Variants in KMT2A observed in about 807,000 individuals in gnomAD.
KMT2A encodes histone-lysine N-methyltransferase 2A.
Under a neutral mutation model 345.3 loss-of-function variants are expected in KMT2A, and 16 were observed. The ratio of observed to expected loss-of-function variants is 0.05; its 90% CI spans 0.03 to 0.07. The LOEUF (loss-of-function observed/expected upper bound fraction) is 0.07. Ranked by LOEUF, KMT2A falls within the 10% of genes least tolerant of loss-of-function variation. The pLI, the probability that KMT2A is intolerant of heterozygous loss-of-function variation, is 1.00. For synonymous variants in KMT2A, 1,599 were observed against 1,778.6 expected, an observed-to-expected ratio of 0.90 and a Z score of 2.54; for missense variants, 3,272 against 4,841.6, an observed-to-expected ratio of 0.68 and a Z score of 9.62.
chr11:118,437,149 C>A (rs1555138915), intron 1 of KMT2A, among the ~76,000 whole-genome samples: 2 of 151,208 alleles, frequency 1.3e-5, no homozygotes, highest in African/African-American at 4.9e-5. Flanking sequence ...GCCCATCTGG[C>A]TGAGGGCGTT....
In KMT2A at chr11:118,472,582, G is replaced by T; in HGVS notation, c.1423G>T (p.Asp475Tyr). 1 of 1,611,630 alleles carries T rather than the reference G, an allele frequency of 6.2e-7. No individual in the cohort carries two copies. The highest frequency in any genetic ancestry group is 8.5e-7 in the Non-Finnish European group (1 of 1,179,576). The part of the protein sequence containing the change: ...ASQHSSQMSS[D>Y]SSRSSSPSVD... The stretch of plus-strand genomic sequence containing the variant: ...TCAGCACTCCTCTCAAATGTCTTCA[G>T]ACTCCTCTCGATCTAGTAGCCCCAG... Residue 475 changes from aspartate (D) to tyrosine (Y), a missense_variant, in exon 3 of 36, where the codon GAC becomes TAC. Transcript: ENST00000534358.
intron 7 of KMT2A, 49 bp from the exon 8 acceptor site, chr11:118,482,373 A>G (rs961061793): frequency 6.0e-6 from 8 of 1,326,988 alleles, no homozygotes; most frequent in Non-Finnish European, 8.6e-6. Flanking sequence ...AGTCAGTACT[A>G]AAGTAGTCGT....
Position 118,497,887 on chromosome 11 carries a change from C to A in KMT2A, c.5665-49C>A, listed in dbSNP as rs1950435214. 1 of 1,486,960 alleles carries A rather than the reference C, an allele frequency of 6.7e-7. No individual in the cohort carries two copies. Among genetic ancestry groups the A allele is most frequent in the African/African-American group, 1.4e-5 (1 of 72,050 alleles). The allele number at this position is 1,486,960 out of a possible 1,614,324, so 92.1% of individuals were successfully genotyped here. A position where few individuals can be genotyped will look rare whatever the true frequency, so the allele number is the denominator to read the frequency against. ...GAAAAGCTAATGCCGAGGAAAACCTCCTTTGGCATTATATTCTTTAGGAAA... is the reference window on the plus strand; with the variant it reads ...GAAAAGCTAATGCCGAGGAAAACCTACTTTGGCATTATATTCTTTAGGAAA... On this transcript the variant is annotated intron_variant, in intron 20 of 35. Coordinates refer to ENST00000534358, the MANE Select transcript of KMT2A (RefSeq NM_001197104.2). The surrounding 1 kb of genome is among the most constrained non-coding windows in gnomAD (Gnocchi z 4.8).
In KMT2A at chr11:118,521,275, A is replaced by G. The variant is rs782707093; in HGVS notation, c.11514-13A>G. The G allele has an allele frequency of 2.5e-6, 4 of 1,612,262 alleles. No individual in the cohort carries two copies. The African/African-American group carries it at 4.0e-5, about 16-fold the overall frequency. ...AAAATTTGTGTCTGACCTCTTTTCC[A>G]TCTTTGTCCTAGGTCTCCCATCCAT... On this transcript the variant is annotated splice_polypyrimidine_tract_variant and intron_variant, in intron 34 of 35. Transcript: ENST00000534358. The surrounding 1 kb of genome is among the most constrained non-coding windows in gnomAD (Gnocchi z 5.3).
intron 1 of KMT2A, among the ~76,000 whole-genome samples, chr11:118,456,809 C>T (rs748227357): frequency 3.3e-5 from 5 of 152,224 alleles, no homozygotes; most frequent in East Asian, 1.9e-4. Context: ...CTTTAGACAA[C>T]GTGGATAAAC....
At position 118,505,339 on chromosome 11, in the gene KMT2A, C is replaced by A; in HGVS notation, c.9447C>A (p.Phe3149Leu). Residue 3149 changes from phenylalanine (F) to leucine (L), a missense_variant, in exon 27 of 36, where the codon TTC becomes TTA. Coordinates refer to ENST00000534358, the MANE Select transcript of KMT2A (RefSeq NM_001197104.2). The surrounding 1 kb of genome is among the most constrained non-coding windows in gnomAD (Gnocchi z 4.6). ...NPSLPTSQSL[F>L]PSASKGLLPM... ...GCTTGCCAACTTCTCAATCTTTGTT[C>A]CCTTCTGCTAGCAAAGGATTGCTAC... The A allele has an allele frequency of 6.2e-7, 1 of 1,614,180 alleles. No individual in the cohort carries two copies.
In KMT2A at chr11:118,482,545, T is replaced by G. The variant is rs1049475185; in HGVS notation, c.4086+50T>G. Reference sequence around the variant, plus strand: ...CATTTCTCAGGGATGTATTCTATTTTGTAGGGAAAAGCCTTATCCTTGACT... The same window carrying G: ...CATTTCTCAGGGATGTATTCTATTTGGTAGGGAAAAGCCTTATCCTTGACT... On this transcript the variant is annotated intron_variant, in intron 8 of 35. Coordinates refer to ENST00000534358, the MANE Select transcript of KMT2A (RefSeq NM_001197104.2). 2.1e-5 allele frequency: 29 copies of G among 1,354,718 alleles called. 1 individual carries two copies. Among genetic ancestry groups the G allele is most frequent in the Non-Finnish European group, 2.9e-5 (28 of 951,606 alleles). 83.9% of individuals were successfully genotyped at this position (1,354,718 alleles called of 1,614,324 possible). A position where few individuals can be genotyped will look rare whatever the true frequency, so the allele number is the denominator to read the frequency against.
In KMT2A at chr11:118,522,423, A is replaced by G. The variant is rs1256348542; in HGVS notation, c.*251A>G. 1.3e-5 allele frequency: 6 copies of G among 467,304 alleles called. No individual in the cohort carries two copies. The highest frequency in any genetic ancestry group is 1.2e-4 in the African/African-American group (6 of 52,010). The allele number at this position is 467,304 out of a possible 1,614,324, so 28.9% of individuals were successfully genotyped here. A position where few individuals can be genotyped will look rare whatever the true frequency, so the allele number is the denominator to read the frequency against. ...GGGGCCCCTCCAATTGTTTACTGTTAGAAAGTGGGAATGGGGTCCCTAGCA... is the reference window on the plus strand; with the variant it reads ...GGGGCCCCTCCAATTGTTTACTGTTGGAAAGTGGGAATGGGGTCCCTAGCA... On this transcript the variant is annotated 3_prime_UTR_variant, in exon 36 of 36. Transcript: ENST00000534358. The surrounding 1 kb of genome is among the most constrained non-coding windows in gnomAD (Gnocchi z 5.4).
intron 2 of KMT2A, among the ~76,000 whole-genome samples, chr11:118,470,326 A>C (rs1555035171): frequency 6.6e-6 from 1 of 151,900 alleles, no homozygotes; most frequent in Non-Finnish European, 1.5e-5. Context: ...TGTTTTTGAG[A>C]CGGAGTCTCA....
At chr11:118,475,711 A>C (rs1248813107) in intron 3 of KMT2A, among the ~76,000 whole-genome samples, 4 of 152,152 alleles carry the variant, frequency 2.6e-5, no homozygotes, top group Non-Finnish European at 4.4e-5. Context: ...TGACAGGGCG[A>C]GACTCCGTCT....
At position 118,494,347 on chromosome 11, in the gene KMT2A, A is replaced by G. The variant is rs782022978; in HGVS notation, c.5238A>G (p.Gly1746=). ...AAGCAGCCATTAATTCAGATGGAGG[A>G]CAGCCAGAAATTAAAAAAGCCAACA... ...IIQAAINSDG[G]QPEIKKANSM... Residue 1746 remains glycine, a synonymous_variant, in exon 17 of 36, where the codon GGA becomes GGG. Coordinates refer to ENST00000534358, the MANE Select transcript of KMT2A (RefSeq NM_001197104.2). The surrounding 1 kb of genome is among the most constrained non-coding windows in gnomAD (Gnocchi z 5.8). The G allele has an allele frequency of 6.2e-7, 1 of 1,611,384 alleles. No homozygotes were observed. The highest frequency in any genetic ancestry group is 1.3e-5 in the African/African-American group (1 of 74,972).
In KMT2A at chr11:118,472,074, G is replaced by A. The variant is rs782126576; in HGVS notation, c.915G>A (p.Arg305=). 11 of 1,613,716 alleles carry A rather than the reference G, an allele frequency of 6.8e-6. No individual in the cohort carries two copies. Among genetic ancestry groups the A allele is most frequent in the Non-Finnish European group, 7.6e-6 (9 of 1,179,960 alleles). Residue 305 remains arginine (R), a synonymous_variant, in exon 3 of 36, where the codon AGG becomes AGA. Coordinates refer to ENST00000534358, the MANE Select transcript of KMT2A (RefSeq NM_001197104.2). The stretch of plus-strand genomic sequence containing the variant: ...TACAAATTGTACGACGGAGAGGAAG[G>A]CCTCCATCAACAGAAAGGATAAAGA... The part of the protein sequence containing the change: ...KGVQIVRRRG[R]PPSTERIKTP...
chr11:118,518,254 C>T (rs1555052201), intron 31 of KMT2A, among the ~76,000 whole-genome samples: 1 of 152,138 alleles, frequency 6.6e-6, no homozygotes, highest in African/African-American at 2.4e-5. Flanking sequence ...TGTAATTGTG[C>T]CCTGTCCCTT....
chr11:118,495,931 C>G lies in KMT2A; in HGVS notation c.5557+38C>G, dbSNP rs1555043863. 10 of 1,503,036 alleles carry G rather than the reference C, an allele frequency of 6.7e-6. No individual in the cohort carries two copies. Among genetic ancestry groups the G allele is most frequent in the Non-Finnish European group, 8.2e-6 (9 of 1,100,526 alleles). The allele number at this position is 1,503,036 out of a possible 1,614,324, so 93.1% of individuals were successfully genotyped here. On this transcript the variant is annotated intron_variant, in intron 19 of 35. Transcript: ENST00000534358. The surrounding 1 kb of genome is among the most constrained non-coding windows in gnomAD (Gnocchi z 4.1). Reference sequence around the variant, plus strand: ...AAGGAGAGTCGTCACCCATTTCCCTCTAGATGCAGATGATTGACTTCGTGA... The same window carrying G: ...AAGGAGAGTCGTCACCCATTTCCCTGTAGATGCAGATGATTGACTTCGTGA...
chr11:118,460,665 T>C (rs1949728828), intron 1 of KMT2A, among the ~76,000 whole-genome samples: 1 of 152,010 alleles, frequency 6.6e-6, no homozygotes, highest in Non-Finnish European at 1.5e-5. Flanking sequence ...TTCAGTAACA[T>C]TGTTTTTTTA....
At chr11:118,513,937 C>CAAA (rs1178939991) in intron 31 of KMT2A, among the ~76,000 whole-genome samples, 19 of 47,296 alleles carry the variant, frequency 4.0e-4, no homozygotes, top group Admixed American at 6.8e-4. Flanking sequence ...GACCCTGTCT[C>CAAA]AAAAAAAAAA....
In KMT2A at chr11:118,487,199, A is replaced by AC. The variant is rs376123888; in HGVS notation, c.4333-1412dup. Among the ~76,000 whole-genome samples the AC allele has an allele frequency of 3.0e-3, 454 of 152,254 alleles. 4 individuals are homozygous for AC. The highest frequency in any genetic ancestry group is 5.3e-3 in the Non-Finnish European group (363 of 68,008). ...TTTCCGTCTTAATACAGTGCTTTGC[A>AC]CCCATATATATGCCACCCACAGGAA... On this transcript the variant is annotated intron_variant, in intron 10 of 35. Coordinates refer to ENST00000534358, the MANE Select transcript of KMT2A (RefSeq NM_001197104.2).
intron 7 of KMT2A, 59 bp downstream of exon 7, chr11:118,482,151 A>C: frequency 2.0e-6 from 3 of 1,520,432 alleles, no homozygotes; most frequent in Non-Finnish European, 2.6e-6. Context: ...AAAAGCACTG[A>C]TGTCTCAAAC....
In KMT2A at chr11:118,493,309, T is replaced by C. The variant is rs1555043118; in HGVS notation, c.5178+79T>C. ...GACCTTTGGGGCATGAAACTGAGTA[T>C]AAGTAAATTTAAAAATGAATTGTAT... On this transcript the variant is annotated intron_variant, in intron 16 of 35. Transcript: ENST00000534358. This position sits in a 1 kb window ranked among gnomAD's most constrained non-coding sequence, Gnocchi z 5.8. The C allele has an allele frequency of 7.1e-6, 8 of 1,131,154 alleles. No homozygotes were observed. Among genetic ancestry groups the C allele is most frequent in the Admixed American group, 6.8e-5 (3 of 44,176 alleles). The allele number at this position is 1,131,154 out of a possible 1,614,324, so 70.1% of individuals were successfully genotyped here. A position where few individuals can be genotyped will look rare whatever the true frequency, so the allele number is the denominator to read the frequency against.
Sources: gnomAD v4.1 joint callset for allele counts (sites outside exome capture counted in the v4.1 genomes callset) on GRCh38, gnomAD v4.1.1 for gene constraint, Gnocchi (gnomAD v3.1) non-coding constraint, MANE v1.5 for transcripts, NCBI Gene and HGNC (gene_info 2026-07-23, HGNC 2026-07-21) for gene names.